The following SH3RF3 variants were observed in gnomAD, a reference collection of about 807,000 sequenced individuals.
SH3RF3 encodes the protein SH3 domain containing ring finger 3, also known as E3 ubiquitin-protein ligase SH3RF3.
SH3RF3 carries 29 observed loss-of-function variants against 66.3 expected under a neutral mutation model. The observed-to-expected ratio is 0.44, with a 90% CI of 0.33 to 0.60. The LOEUF is 0.60. Among genes scored for constraint, SH3RF3 ranks in the 20% least tolerant of loss-of-function variants. The pLI is 0.04. For missense variants in SH3RF3, 1,194 were observed against 1,190.9 expected, an observed-to-expected ratio of 1.00 and a Z score of -0.04; for synonymous variants, 583 against 532.0, an observed-to-expected ratio of 1.10 and a Z score of -1.32.
At chr2:109,247,999 A>G (rs984663159) in intron 1 of SH3RF3, among the ~76,000 whole-genome samples, 5 of 152,192 alleles carry the variant, frequency 3.3e-5, no homozygotes, top group African/African-American at 1.2e-4. Flanking sequence ...CTCATTAGCC[A>G]AAGGAAGTCA....
intron 1 of SH3RF3, among the ~76,000 whole-genome samples, chr2:109,191,648 T>G (rs1015158996): frequency 1.3e-5 from 2 of 152,140 alleles, no homozygotes; most frequent in African/African-American, 2.4e-5. Context: ...TCCCAATAAT[T>G]GGAGCCACTT....
At chr2:109,242,449 A>C (rs1679807539) in intron 1 of SH3RF3, among the ~76,000 whole-genome samples, 1 of 152,176 alleles carries the variant, frequency 6.6e-6, no homozygotes, top group African/African-American at 2.4e-5. Context: ...CTTGGGGCTC[A>C]GAATGGGGCC....
chr2:109,258,515 C>T (rs1047573999), intron 1 of SH3RF3, among the ~76,000 whole-genome samples: 1 of 152,152 alleles, frequency 6.6e-6, no homozygotes, highest in African/African-American at 2.4e-5. Context: ...CTGGCCAGGG[C>T]GGTGAGCCTC....
chr2:109,248,610 T>C (rs1679976909), intron 1 of SH3RF3, among the ~76,000 whole-genome samples: 1 of 152,242 alleles, frequency 6.6e-6, no homozygotes. Context: ...ACCAAACATG[T>C]ATATTAAATA....
intron 2 of SH3RF3, among the ~76,000 whole-genome samples, chr2:109,370,151 T>G (rs1683236047): frequency 6.6e-6 from 1 of 152,042 alleles, no homozygotes. Context: ...CAAAGGCCCC[T>G]TGGAGTGGCA....
chr2:109,382,348 C>T (rs888865670), intron 3 of SH3RF3, among the ~76,000 whole-genome samples: 3 of 152,142 alleles, frequency 2.0e-5, no homozygotes, highest in African/African-American at 7.2e-5. Context: ...GGAGAGTCTG[C>T]TGCAGTGGGG....
intron 1 of SH3RF3, among the ~76,000 whole-genome samples, chr2:109,320,205 C>T (rs1681988930): frequency 6.6e-6 from 1 of 152,170 alleles, no homozygotes; most frequent in Admixed American, 6.5e-5. Context: ...CTCTGCTCGG[C>T]TCATTGACTC....
intron 4 of SH3RF3, among the ~76,000 whole-genome samples, chr2:109,403,107 A>G (rs535020797): frequency 2.9e-4 from 43 of 150,360 alleles, no homozygotes; most frequent in African/African-American, 9.8e-4. Context: ...TAAAATAGAA[A>G]GGAAGCGTGC....
intron 7 of SH3RF3, among the ~76,000 whole-genome samples, chr2:109,438,755 T>G (rs565265439): frequency 6.6e-6 from 1 of 152,282 alleles, no homozygotes; most frequent in East Asian, 1.9e-4. Flanking sequence ...GTCATTGCAG[T>G]TGGCAAGTGA....
At chr2:109,305,683 G>A (rs1681575521) in intron 1 of SH3RF3, among the ~76,000 whole-genome samples, 1 of 152,228 alleles carries the variant, frequency 6.6e-6, no homozygotes, top group Non-Finnish European at 1.5e-5. Flanking sequence ...CTGCATGCCT[G>A]TCACTGTACA....
intron 5 of SH3RF3, among the ~76,000 whole-genome samples, chr2:109,421,249 C>T (rs1676868166): frequency 2.0e-5 from 3 of 152,236 alleles, no homozygotes; most frequent in South Asian, 2.1e-4. Context: ...GGTCAGGTTG[C>T]TGAGGCCATG....
chr2:109,239,140 T>G (rs895199721), intron 1 of SH3RF3, among the ~76,000 whole-genome samples: 3 of 152,190 alleles, frequency 2.0e-5, no homozygotes, highest in African/African-American at 7.2e-5. Flanking sequence ...AGCTCAGAAC[T>G]CTGTGAGCAC....
At chr2:109,443,092 G>A (rs921060309) in intron 7 of SH3RF3, among the ~76,000 whole-genome samples, 1 of 152,256 alleles carries the variant, frequency 6.6e-6, no homozygotes, top group Admixed American at 6.5e-5. Flanking sequence ...CTGAATTTGT[G>A]AATACTGAAC....
intron 4 of SH3RF3, among the ~76,000 whole-genome samples, chr2:109,418,945 T>G (rs1353170347): frequency 6.6e-6 from 1 of 152,128 alleles, no homozygotes; most frequent in East Asian, 1.9e-4. Context: ...GCCCCCCCAC[T>G]GTCCCCAGAG....
chr2:109,303,664 C>T (rs1236336160), intron 1 of SH3RF3, among the ~76,000 whole-genome samples: 1 of 152,188 alleles, frequency 6.6e-6, no homozygotes, highest in Non-Finnish European at 1.5e-5. Flanking sequence ...AGGAGACTGC[C>T]CACATTCGGG....
chr2:109,220,865 C>CTGTA (rs1471598388), intron 1 of SH3RF3, among the ~76,000 whole-genome samples: 1 of 152,234 alleles, frequency 6.6e-6, no homozygotes, highest in Non-Finnish European at 1.5e-5. Flanking sequence ...CATGCAATTA[C>CTGTA]TGTATAATTT....
chr2:109,305,751 T>C (rs1417458043), intron 1 of SH3RF3, among the ~76,000 whole-genome samples: 2 of 152,210 alleles, frequency 1.3e-5, no homozygotes, highest in Non-Finnish European at 2.9e-5. Flanking sequence ...CAGGCAGTGT[T>C]CTCTGCGGTT....
At chr2:109,490,484 C>A in intron 8 of SH3RF3, 121 bp from the exon 9 acceptor site, 2 of 892,152 alleles carry the variant, frequency 2.2e-6, no homozygotes, top group Non-Finnish European at 1.6e-6. Flanking sequence ...AGTCTTTTGT[C>A]TGAAAAAATA....
At chr2:109,406,170 G>T (rs1266415030) in intron 4 of SH3RF3, among the ~76,000 whole-genome samples, 1 of 152,186 alleles carries the variant, frequency 6.6e-6, no homozygotes, top group African/African-American at 2.4e-5. Flanking sequence ...GGTGCTCTGG[G>T]CATAATGGAG....
Sources: allele counts gnomAD v4.1 joint callset (sites outside exome capture counted in the v4.1 genomes callset), GRCh38; gene constraint gnomAD v4.1.1; transcripts MANE v1.5; gene names NCBI Gene and HGNC (gene_info 2026-07-23, HGNC 2026-07-21).